Variants in DCHS2 observed in about 807,000 individuals in gnomAD.
DCHS2 encodes the protein dachsous cadherin-related 2, also known as protocadherin-23.
In DCHS2, 142 loss-of-function variants were observed where a neutral mutation model predicts 182.4. The observed-to-expected ratio is 0.78, with a 90% CI of 0.68 to 0.89. The LOEUF (loss-of-function observed/expected upper bound fraction) is 0.89, where lower values mean the gene tolerates loss of function less well. Among genes scored for constraint, DCHS2 ranks in the 40% least tolerant of loss-of-function variants. DCHS2 has a pLI of 0.00. For missense variants in DCHS2, 4,319 were observed against 4,198.6 expected (o/e 1.03, Z -0.79); for synonymous variants, 1,740 against 1,663.3 (o/e 1.05, Z -1.12).
intron 3 of DCHS2, among the ~76,000 whole-genome samples, chr4:154,361,993 T>C (rs1730146171): frequency 6.6e-6 from 1 of 152,098 alleles, no homozygotes. Flanking sequence ...TAAGAGAGAA[T>C]TCTAGAGTAA....
intron 9 of DCHS2, among the ~76,000 whole-genome samples, chr4:154,319,986 C>T (rs1309837206): frequency 1.3e-5 from 2 of 151,932 alleles, no homozygotes; most frequent in African/African-American, 4.8e-5. Context: ...TATGTGCATA[C>T]CATTGAAGAC....
At chr4:154,479,662 T>C (rs1006947386) in intron 1 of DCHS2, among the ~76,000 whole-genome samples, 1 of 152,220 alleles carries the variant, frequency 6.6e-6, no homozygotes, top group African/African-American at 2.4e-5. Context: ...TAAAATCTAC[T>C]AAGAATCAAG....
chr4:154,359,263 T>C (rs186607017), intron 3 of DCHS2, among the ~76,000 whole-genome samples: 25 of 152,046 alleles, frequency 1.6e-4, no homozygotes, highest in African/African-American at 5.8e-4. Context: ...TTTATTTAAA[T>C]AGAGGAAACT....
chr4:154,489,898 TGGGGG>T lies in DCHS2; in HGVS notation c.1453_1457del (p.Pro485ArgfsTer20). ...CCTCCACGCAAAGGAAAAATACCCC[TGGGGG>T]GCCGCCGGGTAGCAACGCGAAGTCT... On this transcript the variant is annotated frameshift_variant, in exon 1 of 20. Transcript: ENST00000357232. LOFTEE classifies it high-confidence loss of function. The T allele has an allele frequency of 6.5e-7, 1 of 1,540,392 alleles. No individual in the cohort carries two copies. Among genetic ancestry groups the T allele is most frequent in the Non-Finnish European group, 8.8e-7 (1 of 1,140,066 alleles).
chr4:154,258,608 C>T, intron 15 of DCHS2, among the ~76,000 whole-genome samples: 1 of 151,986 alleles, frequency 6.6e-6, no homozygotes, highest in South Asian at 2.1e-4. Context: ...AACTCCTGAC[C>T]TCAGGTGATC....
At chr4:154,469,893 G>C (rs1036478979) in intron 1 of DCHS2, among the ~76,000 whole-genome samples, 2 of 152,092 alleles carry the variant, frequency 1.3e-5, no homozygotes, top group African/African-American at 4.8e-5. Flanking sequence ...AGCCACTCTT[G>C]AGCCCATCCT....
Position 154,320,997 on chromosome 4 carries a change from C to T in DCHS2, c.4402G>A (p.Asp1468Asn). Residue 1468 changes from aspartate (D) to asparagine (N), a missense_variant, in exon 9 of 20, where the codon GAT (aspartate) becomes AAT (asparagine). Asp to Asn is a conservative substitution (Grantham distance 23). Transcript: ENST00000357232. Reference sequence around the variant, plus strand: ...AGATAATGAGATGTCGTCTCATAATCAAGTTCCTTAGAAAGAAACAAGTCT... The same window carrying T: ...AGATAATGAGATGTCGTCTCATAATTAAGTTCCTTAGAAAGAAACAAGTCT... ...TGDLFLSKEL[D>N]YETTSHYLFR... 6.2e-7 allele frequency: 1 copy of T among 1,613,964 alleles called. No individual in the cohort carries two copies. The highest frequency in any genetic ancestry group is 8.5e-7 in the Non-Finnish European group (1 of 1,179,954).
chr4:154,407,362 C>T (rs1732445145), intron 1 of DCHS2, among the ~76,000 whole-genome samples: 1 of 152,092 alleles, frequency 6.6e-6, no homozygotes, highest in Admixed American at 6.6e-5. Flanking sequence ...TATATCAACC[C>T]CAACTTGCTT....
At chr4:154,293,204 ATT>A (rs58636806) in intron 13 of DCHS2, among the ~76,000 whole-genome samples, 2 of 149,198 alleles carry the variant, frequency 1.3e-5, no homozygotes, top group South Asian at 2.1e-4. Flanking sequence ...CAGGTATTCG[ATT>A]TTTTTTTTTC....
At chr4:154,409,256 C>T (rs1732524630) in intron 1 of DCHS2, among the ~76,000 whole-genome samples, 1 of 152,102 alleles carries the variant, frequency 6.6e-6, no homozygotes, top group African/African-American at 2.4e-5. Flanking sequence ...CAGCTATGCT[C>T]CACCATTCCA....
At position 154,384,043 on chromosome 4, in the gene DCHS2, T is replaced by C. The variant is rs577556782; in HGVS notation, c.2053-6599A>G. Among the ~76,000 whole-genome samples, 5 of 152,166 alleles carry C rather than the reference T, an allele frequency of 3.3e-5. No homozygotes were observed. The East Asian group carries it at 9.6e-4, about 29-fold the overall frequency. ...CACAACACACACATAGAACTTTACA[T>C]AGAAAAGAAGAAAAAAATCATTAAA... is the stretch of plus-strand genomic sequence containing the variant. On this transcript the variant is annotated intron_variant, in intron 1 of 19. Transcript: ENST00000357232.
chr4:154,454,977 G>A (rs1449416799), intron 1 of DCHS2, among the ~76,000 whole-genome samples: 2 of 152,178 alleles, frequency 1.3e-5, no homozygotes, highest in Admixed American at 6.6e-5. Flanking sequence ...TGTCACTACA[G>A]GCTTTGTCAT....
intron 1 of DCHS2, among the ~76,000 whole-genome samples, chr4:154,459,176 T>G (rs527237371): frequency 6.6e-6 from 1 of 152,080 alleles, no homozygotes; most frequent in Admixed American, 6.6e-5. Context: ...CATTTCAACA[T>G]TAGATTTGTC....
At chr4:154,391,281 A>G (rs1190712730) in intron 1 of DCHS2, 2 of 1,600,174 alleles carry the variant, frequency 1.2e-6, no homozygotes, top group Admixed American at 1.7e-5. Flanking sequence ...TGATTTCGTT[A>G]TCTCATCCAG....
At chr4:154,249,759 G>A (rs1173638018) in intron 16 of DCHS2, among the ~76,000 whole-genome samples, 1 of 152,056 alleles carries the variant, frequency 6.6e-6, no homozygotes, top group Non-Finnish European at 1.5e-5. Flanking sequence ...GGATAGAGAT[G>A]GAGGCTATAA....
At chr4:154,264,160 A>C (rs1205700558) in intron 14 of DCHS2, among the ~76,000 whole-genome samples, 1 of 152,198 alleles carries the variant, frequency 6.6e-6, no homozygotes, top group Non-Finnish European at 1.5e-5. Context: ...GCATAAATTC[A>C]ACTGAGGCTT....
chr4:154,446,339 A>G (rs1466866778), intron 1 of DCHS2, among the ~76,000 whole-genome samples: 1 of 152,208 alleles, frequency 6.6e-6, no homozygotes, highest in Non-Finnish European at 1.5e-5. Flanking sequence ...TTAAATATAC[A>G]CTAAAGTTAT....
intron 1 of DCHS2, among the ~76,000 whole-genome samples, chr4:154,488,133 G>A (rs1728654714): frequency 6.6e-6 from 1 of 151,976 alleles, no homozygotes; most frequent in African/African-American, 2.4e-5. Context: ...AGCCATGATT[G>A]TGCCACTGTA....
chr4:154,466,825 T>C (rs1735260971), intron 1 of DCHS2, among the ~76,000 whole-genome samples: 1 of 152,226 alleles, frequency 6.6e-6, no homozygotes, highest in Non-Finnish European at 1.5e-5. Flanking sequence ...ATAGGTAGTG[T>C]ATTTATACTT....
Sources: gnomAD v4.1 joint callset for allele counts (sites outside exome capture counted in the v4.1 genomes callset) on GRCh38, gnomAD v4.1.1 for gene constraint, MANE v1.5 for transcripts, NCBI Gene and HGNC (gene_info 2026-07-23, HGNC 2026-07-21) for gene names.